Variants in SLC16A12 observed in about 807,000 individuals in gnomAD.
SLC16A12 encodes solute carrier family 16 member 12.
A neutral mutation model predicts 42.4 loss-of-function variants in SLC16A12; 17 were observed. The ratio of observed to expected loss-of-function variants is 0.40; its 90% CI spans 0.27 to 0.60. The LOEUF (loss-of-function observed/expected upper bound fraction) is 0.60, where lower values mean the gene tolerates loss of function less well. SLC16A12 is among the 20% of genes least tolerant of loss of function. The probability of loss-of-function intolerance (pLI) is 0.42; values close to 1 mark genes in which losing one functional copy is unlikely to be tolerated. For missense variants in SLC16A12, 544 were observed against 623.0 expected (o/e 0.87, Z 1.35); for synonymous variants, 224 against 229.4 (o/e 0.98, Z 0.21).
At chr10:89,539,958 C>CTTCT (rs149678617), upstream of SLC16A12, among the ~76,000 whole-genome samples, 3 of 122,358 alleles carry the variant, frequency 2.5e-5, no homozygotes, top group African/African-American at 3.6e-5. Flanking sequence ...CTCTTTCTTT[C>CTTCT]TTCTTTCTTT....
At chr10:89,517,068 T>G (rs536370079) in intron 2 of SLC16A12, among the ~76,000 whole-genome samples, 27 of 151,864 alleles carry the variant, frequency 1.8e-4, no homozygotes, top group Non-Finnish European at 2.6e-4. Flanking sequence ...TACAAAAAAT[T>G]TTAAAAACTA....
Position 89,430,669 on chromosome 10 carries a change from A to G in SLC16A12, c.*2395T>C, listed in dbSNP as rs1249061403. On this transcript the variant is annotated 3_prime_UTR_variant, in exon 8 of 8. Coordinates refer to ENST00000371790, the MANE Select transcript of SLC16A12 (RefSeq NM_213606.4). ...TGTACATTTTTCTTACTGATTTTCTAAAAATGCTGCCTCAAAAGGGAAAGT... is the reference window on the plus strand; with the variant it reads ...TGTACATTTTTCTTACTGATTTTCTGAAAATGCTGCCTCAAAAGGGAAAGT... 2.1e-6 allele frequency: 1 copy of G among 465,904 alleles called. No individual in the cohort carries two copies. The highest frequency in any genetic ancestry group is 1.6e-5 in the South Asian group (1 of 62,742). 28.9% of individuals were successfully genotyped at this position (465,904 alleles called of 1,614,324 possible).
At chr10:89,481,658 T>TGAGA (rs200446747) in intron 2 of SLC16A12, among the ~76,000 whole-genome samples, 31 of 141,472 alleles carry the variant, frequency 2.2e-4, no homozygotes, top group African/African-American at 7.9e-4. Flanking sequence ...TGTGTGTGTG[T>TGAGA]GTGTGTGAGA....
At chr10:89,529,586 TG>T (rs1045760969) in intron 2 of SLC16A12, among the ~76,000 whole-genome samples, 1 of 150,976 alleles carries the variant, frequency 6.6e-6, no homozygotes, top group African/African-American at 2.4e-5. Context: ...CTCTCTCTGT[TG>T]CCCAGGCTGG....
chr10:89,505,331 C>G (rs1006085506), intron 2 of SLC16A12, among the ~76,000 whole-genome samples: 1 of 152,038 alleles, frequency 6.6e-6, no homozygotes, highest in Non-Finnish European at 1.5e-5. Context: ...AGGAGAATCT[C>G]TTAAACCTGG....
At chr10:89,523,942 C>G (rs17123021) in intron 2 of SLC16A12, among the ~76,000 whole-genome samples, 21,376 of 152,082 alleles carry the variant, frequency 0.14, 1,588 homozygotes, top group African/African-American at 0.19. Context: ...CGCGTGAGCA[C>G]AGTCTAGTTA....
At chr10:89,540,930 T>C (rs886582774) in intron 2 of SLC16A12, among the ~76,000 whole-genome samples, 1 of 147,378 alleles carries the variant, frequency 6.8e-6, no homozygotes, top group African/African-American at 2.6e-5. Flanking sequence ...TTTTTTCCCT[T>C]TTTTTTTTTG....
At chr10:89,550,787 C>G (rs1317406047) in intron 2 of SLC16A12, among the ~76,000 whole-genome samples, 1 of 152,148 alleles carries the variant, frequency 6.6e-6, no homozygotes, top group Non-Finnish European at 1.5e-5. Context: ...GCCTAGAAAG[C>G]TCTTCACTAT....
chr10:89,445,297 C>T (rs900714331), intron 3 of SLC16A12, among the ~76,000 whole-genome samples: 2 of 152,214 alleles, frequency 1.3e-5, no homozygotes, highest in Admixed American at 6.5e-5. Flanking sequence ...CCCTGACCCC[C>T]GTGTAGCCTA....
At chr10:89,472,782 C>T (rs376379248) in intron 2 of SLC16A12, among the ~76,000 whole-genome samples, 18 of 151,322 alleles carry the variant, frequency 1.2e-4, no homozygotes, top group African/African-American at 3.9e-4. Flanking sequence ...TGTGAGCCAC[C>T]GTGCCTGGTC....
chr10:89,455,233 G>C (rs192372794), intron 3 of SLC16A12, among the ~76,000 whole-genome samples: 16 of 152,100 alleles, frequency 1.1e-4, no homozygotes, highest in African/African-American at 3.6e-4. Flanking sequence ...AAGAGAAAAG[G>C]GCCCCCAGAT....
At chr10:89,436,914 A>AAAAG (rs1554825782) in intron 6 of SLC16A12, among the ~76,000 whole-genome samples, 3,212 of 135,572 alleles carry the variant, frequency 0.024, 111 homozygotes, top group African/African-American at 0.054. Flanking sequence ...GAAAGAAAGA[A>AAAAG]AAAGAAAGAG....
chr10:89,474,335 C>T (rs1431669587), intron 2 of SLC16A12, among the ~76,000 whole-genome samples: 1 of 152,160 alleles, frequency 6.6e-6, no homozygotes, highest in Non-Finnish European at 1.5e-5. Flanking sequence ...AAAATACATG[C>T]ATGCACACAC....
In SLC16A12 at chr10:89,481,074, C is replaced by T. The variant is rs140595791; in HGVS notation, c.-46-18450G>A. ...CCTCTATAAATGACAGCTCTGAGGA[C>T]TGTATCAGCACACAAAAATGCCCAT... is the stretch of plus-strand genomic sequence containing the variant. On this transcript the variant is annotated intron_variant, in intron 2 of 7. Coordinates refer to ENST00000371790, the MANE Select transcript of SLC16A12 (RefSeq NM_213606.4). Among the ~76,000 whole-genome samples the T allele has an allele frequency of 5.3e-5, 8 of 152,246 alleles. No individual in the cohort carries two copies. The East Asian group carries it at 1.4e-3, about 26-fold the overall frequency.
intron 2 of SLC16A12, among the ~76,000 whole-genome samples, chr10:89,547,966 CAAAAAAAA>C (rs60543445): frequency 8.6e-5 from 7 of 81,628 alleles, no homozygotes; most frequent in African/African-American, 2.3e-4. Flanking sequence ...CCAGCCTGGG[CAAAAAAAA>C]AAAAAAAAAA....
intron 7 of SLC16A12, among the ~76,000 whole-genome samples, chr10:89,433,827 C>T (rs1841733581): frequency 6.6e-6 from 1 of 152,156 alleles, no homozygotes; most frequent in Non-Finnish European, 1.5e-5. Context: ...GAACTTTCAG[C>T]TATTTTAGCA....
intron 2 of SLC16A12, among the ~76,000 whole-genome samples, chr10:89,555,442 T>C (rs71479023): frequency 1.2e-3 from 178 of 142,492 alleles, no homozygotes; most frequent in Non-Finnish European, 1.8e-3. Context: ...TTGGGTTTCA[T>C]GTTTATTTCT....
intron 2 of SLC16A12, among the ~76,000 whole-genome samples, chr10:89,516,726 C>A (rs1410748450): frequency 6.6e-6 from 1 of 152,298 alleles, no homozygotes; most frequent in East Asian, 1.9e-4. Context: ...TGTAAGCATT[C>A]AATAGCTTCC....
At chr10:89,445,202 G>A (rs7099758) in intron 3 of SLC16A12, among the ~76,000 whole-genome samples, 9,129 of 152,276 alleles carry the variant, frequency 0.06, 552 homozygotes, top group African/African-American at 0.16. Context: ...TAAATGTCCC[G>A]GTCTGACAGC....
Sources: gnomAD v4.1 joint callset for allele counts (sites outside exome capture counted in the v4.1 genomes callset) on GRCh38, gnomAD v4.1.1 for gene constraint, MANE v1.5 for transcripts, NCBI Gene and HGNC (gene_info 2026-07-23, HGNC 2026-07-21) for gene names.